The following LRRIQ3 variants were observed in gnomAD, a reference collection of about 807,000 sequenced individuals.
The protein encoded by LRRIQ3 is leucine rich repeats and IQ motif containing 3.
Under a neutral mutation model 59.3 loss-of-function variants are expected in LRRIQ3, and 75 were observed. That is an observed-to-expected ratio of 1.26 (90% CI 1.05 to 1.53). The LOEUF is 1.53. Among genes scored for constraint, LRRIQ3 ranks in the 40% most tolerant of loss-of-function variants. The pLI, the probability that LRRIQ3 is intolerant of heterozygous loss-of-function variation, is 0.00. For missense variants in LRRIQ3, 831 were observed against 710.0 expected, an observed-to-expected ratio of 1.17 and a Z score of -1.94; for synonymous variants, 250 against 231.3, an observed-to-expected ratio of 1.08 and a Z score of -0.73.
chr1:74,103,346 C>A (rs1273462510), intron 5 of LRRIQ3, among the ~76,000 whole-genome samples: 1 of 151,858 alleles, frequency 6.6e-6, no homozygotes, highest in Non-Finnish European at 1.5e-5. Context: ...TGTAAATATT[C>A]AGTAAATATC....
intron 6 of LRRIQ3, among the ~76,000 whole-genome samples, chr1:74,068,701 G>C (rs549028629): frequency 1.3e-5 from 2 of 152,052 alleles, no homozygotes; most frequent in South Asian, 4.1e-4. Context: ...TTTAACATCT[G>C]GTGGCAAAGA....
At chr1:74,140,782 T>G (rs933248456) in intron 4 of LRRIQ3, among the ~76,000 whole-genome samples, 1 of 151,840 alleles carries the variant, frequency 6.6e-6, no homozygotes, top group Non-Finnish European at 1.5e-5. Context: ...CATATCAATG[T>G]GAAATGTCCT....
chr1:74,108,054 T>C (rs555264003), intron 5 of LRRIQ3, among the ~76,000 whole-genome samples: 2 of 151,874 alleles, frequency 1.3e-5, no homozygotes, highest in South Asian at 4.1e-4. Context: ...AAAATGAATA[T>C]TTTATTTGAT....
At chr1:74,060,451 A>AT (rs1266756202) in intron 6 of LRRIQ3, among the ~76,000 whole-genome samples, 1 of 151,266 alleles carries the variant, frequency 6.6e-6, no homozygotes, top group Non-Finnish European at 1.5e-5. Context: ...TATTTGAAGT[A>AT]TTTTTGCATT....
chr1:74,194,178 T>C (rs934152392), intron 1 of LRRIQ3, among the ~76,000 whole-genome samples: 1 of 152,000 alleles, frequency 6.6e-6, no homozygotes, highest in Non-Finnish European at 1.5e-5. Context: ...TGATCTGCCA[T>C]TGCACTCCAG....
At chr1:74,080,338 AT>A (rs1441928438) in intron 5 of LRRIQ3, among the ~76,000 whole-genome samples, 1 of 151,718 alleles carries the variant, frequency 6.6e-6, no homozygotes, top group Admixed American at 6.6e-5. Context: ...ATTGGAATAG[AT>A]TATCTGAGGA....
chr1:74,171,312 A>G (rs1649308459), intron 3 of LRRIQ3, among the ~76,000 whole-genome samples: 1 of 152,170 alleles, frequency 6.6e-6, no homozygotes, highest in African/African-American at 2.4e-5. Flanking sequence ...GCATTGAGGG[A>G]AACTCTTTCC....
intron 7 of LRRIQ3, among the ~76,000 whole-genome samples, chr1:74,032,249 A>G (rs1182113872): frequency 1.3e-5 from 2 of 152,110 alleles, no homozygotes; most frequent in Non-Finnish European, 2.9e-5. Context: ...AGAACAACCA[A>G]TACAATCTTG....
At chr1:74,167,515 T>TAAAATA (rs1272628523) in intron 3 of LRRIQ3, among the ~76,000 whole-genome samples, 4 of 151,510 alleles carry the variant, frequency 2.6e-5, no homozygotes, top group Non-Finnish European at 5.9e-5. Context: ...CCCCAGAACT[T>TAAAATA]AAAATAAAAA....
intron 3 of LRRIQ3, among the ~76,000 whole-genome samples, chr1:74,170,258 G>A (rs1259881750): frequency 1.3e-5 from 2 of 152,070 alleles, no homozygotes; most frequent in African/African-American, 2.4e-5. Context: ...TGCCAAGACC[G>A]ATGTCAAGAA....
At chr1:74,124,022 G>A (rs1291510293) in intron 4 of LRRIQ3, among the ~76,000 whole-genome samples, 1 of 151,832 alleles carries the variant, frequency 6.6e-6, no homozygotes, top group Non-Finnish European at 1.5e-5. Flanking sequence ...ATCTGTGCCA[G>A]CATTTGTTTT....
chr1:74,029,832 CT>C (rs1206815330), intron 7 of LRRIQ3, among the ~76,000 whole-genome samples: 1 of 151,938 alleles, frequency 6.6e-6, no homozygotes, highest in Non-Finnish European at 1.5e-5. Flanking sequence ...TGGTCCTGGA[CT>C]TTTTTTGGTT....
chr1:74,187,602 C>T (rs1650486273), intron 1 of LRRIQ3, among the ~76,000 whole-genome samples: 1 of 151,984 alleles, frequency 6.6e-6, no homozygotes. Context: ...TTGGGAGGGT[C>T]ACGAGGTATA....
At chr1:74,139,282 A>G (rs1204389899) in intron 4 of LRRIQ3, among the ~76,000 whole-genome samples, 1 of 142,622 alleles carries the variant, frequency 7.0e-6, no homozygotes, top group Non-Finnish European at 1.5e-5. Flanking sequence ...GGAGAAAGGA[A>G]GGAAGGAAGG....
intron 4 of LRRIQ3, among the ~76,000 whole-genome samples, chr1:74,114,209 A>G (rs951941427): frequency 2.6e-5 from 4 of 151,764 alleles, no homozygotes; most frequent in African/African-American, 7.3e-5. Context: ...AATATAACAA[A>G]CTCTATGAAT....
At chr1:74,126,273 G>A (rs1051718476) in intron 4 of LRRIQ3, among the ~76,000 whole-genome samples, 1 of 151,440 alleles carries the variant, frequency 6.6e-6, no homozygotes, top group African/African-American at 2.4e-5. Flanking sequence ...CTAAGGGTTT[G>A]TTGATTATAT....
At chr1:74,072,864 T>A (rs1285563183) in intron 6 of LRRIQ3, among the ~76,000 whole-genome samples, 1 of 152,168 alleles carries the variant, frequency 6.6e-6, no homozygotes, top group East Asian at 1.9e-4. Flanking sequence ...TCGAATATTC[T>A]GACCATAATG....
At position 74,106,258 on chromosome 1, in the gene LRRIQ3, TAA is replaced by T. The variant is rs539551591; in HGVS notation, c.867+3134_867+3135del. ...TTTTCTTTCCACATGGTTGAAGCAG[TAA>T]AAGTTTCTGGCCATCACTTTCTTAC... On this transcript the variant is annotated intron_variant, in intron 5 of 7. Transcript: ENST00000354431. Among the ~76,000 whole-genome samples the T allele has an allele frequency of 6.0e-3, 910 of 152,148 alleles. 9 individuals are homozygous for T. Among genetic ancestry groups the T allele is most frequent in the Non-Finnish European group, 8.8e-3 (599 of 67,978 alleles).
chr1:74,197,960 T>G, intron 1 of LRRIQ3, 36 bp downstream of exon 1: 1 of 430,886 alleles, frequency 2.3e-6, no homozygotes, highest in Non-Finnish European at 4.2e-6. Context: ...AGCGGGTCGG[T>G]TCTAACAATT....
Sources: allele counts gnomAD v4.1 joint callset (sites outside exome capture counted in the v4.1 genomes callset), GRCh38; gene constraint gnomAD v4.1.1; transcripts MANE v1.5; gene names NCBI Gene and HGNC (gene_info 2026-07-23, HGNC 2026-07-21).